The following MTUS2 variants were observed in gnomAD, a reference collection of about 807,000 sequenced individuals.
The protein encoded by MTUS2 is microtubule-associated tumor suppressor candidate 2.
A neutral mutation model predicts 114.1 loss-of-function variants in MTUS2; 40 were observed. The observed-to-expected ratio is 0.35, with a 90% CI of 0.27 to 0.46. MTUS2 has a LOEUF of 0.46. Ranked by LOEUF, MTUS2 falls within the 20% of genes least tolerant of loss-of-function variation. The pLI is 1.00. For missense variants in MTUS2, 1,679 were observed against 1,705.4 expected, an observed-to-expected ratio of 0.98 and a Z score of 0.27; for synonymous variants, 688 against 672.0, an observed-to-expected ratio of 1.02 and a Z score of -0.37.
chr13:29,324,655 C>A lies in MTUS2; in HGVS notation c.2849C>A (p.Pro950His). The A allele has an allele frequency of 6.3e-7, 1 of 1,597,026 alleles. No homozygotes were observed. The highest frequency in any genetic ancestry group is 8.5e-7 in the Non-Finnish European group (1 of 1,171,348). ...CAGAAAGATCAAGATACGAATAAAC[C>A]TGCTGTTTCATCTCCTAAGAGAGTA... Reference protein sequence around the residue: ...DAQKDQDTNKPAVSSPKRVAA... With the variant: ...DAQKDQDTNKHAVSSPKRVAA... The change falls in exon 7 of 16, where the codon CCT becomes CAT. Residue 950 changes from proline (P) to histidine (H), a missense_variant. Pro to His is a moderately conservative substitution (Grantham distance 77). Coordinates refer to ENST00000612955, the MANE Select transcript of MTUS2 (RefSeq NM_001033602.4).
intron 5 of MTUS2, among the ~76,000 whole-genome samples, chr13:29,227,258 C>CAAAAAAAAAAAAAA (rs10680419): frequency 8.3e-6 from 1 of 120,646 alleles, no homozygotes; most frequent in Admixed American, 8.9e-5. Flanking sequence ...GACTCCGTCT[C>CAAAAAAAAAAAAAA]AAAAAAAAAA....
At chr13:29,483,274 G>A (rs780330015) in intron 10 of MTUS2, among the ~76,000 whole-genome samples, 42 of 152,210 alleles carry the variant, frequency 2.8e-4, no homozygotes, top group African/African-American at 7.5e-4. Context: ...TTCTGAGGCC[G>A]CAAATATCAC....
Position 29,025,581 on chromosome 13 carries a change from A to G in MTUS2, c.883A>G (p.Ser295Gly), listed in dbSNP as rs779646263. 2 of 1,613,920 alleles carry G rather than the reference A, an allele frequency of 1.2e-6. No homozygotes were observed. The highest frequency in any genetic ancestry group is 2.7e-5 in the African/African-American group (2 of 74,928). ...GACTTTGGCATCGAAGGAAATCCCA[A>G]GTAAACTGGAAGCACAATTAGGTCA... ...NLTLASKEIP[S>G]KLEAQLGQGK... The change falls in exon 3 of 16, where the codon AGT becomes GGT. Residue 295 changes from serine to glycine, a missense_variant. By Grantham distance (56) the Ser-to-Gly change is moderately conservative. Coordinates refer to ENST00000612955, the MANE Select transcript of MTUS2 (RefSeq NM_001033602.4).
At chr13:28,986,694 T>C (rs1884602802) in intron 2 of MTUS2, among the ~76,000 whole-genome samples, 2 of 152,224 alleles carry the variant, frequency 1.3e-5, no homozygotes, top group Admixed American at 6.5e-5. Context: ...GGTATTACTA[T>C]TCCCTTTGTG....
chr13:29,456,479 A>C (rs1879117633), intron 9 of MTUS2, among the ~76,000 whole-genome samples: 1 of 152,218 alleles, frequency 6.6e-6, no homozygotes, highest in Non-Finnish European at 1.5e-5. Context: ...GTTTGATTTT[A>C]AAAGAGCAAC....
intron 5 of MTUS2, among the ~76,000 whole-genome samples, chr13:29,231,896 T>C (rs1474002238): frequency 1.4e-4 from 22 of 152,218 alleles, no homozygotes; most frequent in Admixed American, 1.4e-3. Context: ...GTGAAGAAAA[T>C]TATTTTCTCA....
chr13:29,494,142 G>T (rs1201018746), intron 12 of MTUS2, among the ~76,000 whole-genome samples: 1 of 152,212 alleles, frequency 6.6e-6, no homozygotes, highest in African/African-American at 2.4e-5. Flanking sequence ...GATGATGACA[G>T]TATCTTTCTC....
intron 6 of MTUS2, among the ~76,000 whole-genome samples, chr13:29,292,752 CA>C (rs1898770706): frequency 6.6e-6 from 1 of 151,340 alleles, no homozygotes. Context: ...GGAAAAGATC[CA>C]GTGTAGTTTG....
chr13:29,302,347 A>G (rs1444483230), intron 6 of MTUS2, among the ~76,000 whole-genome samples: 1 of 152,122 alleles, frequency 6.6e-6, no homozygotes. Context: ...GGTCTTTGCA[A>G]CCCAAAGATC....
intron 5 of MTUS2, among the ~76,000 whole-genome samples, chr13:29,178,451 AAGCAGAG>A (rs1893864889): frequency 6.6e-6 from 1 of 152,152 alleles, no homozygotes; most frequent in Non-Finnish European, 1.5e-5. Context: ...TTATGGTCTA[AAGCAGAG>A]TTTTTAAACC....
At chr13:28,861,756 G>T (rs74441096) in intron 2 of MTUS2, among the ~76,000 whole-genome samples, 7,299 of 152,136 alleles carry the variant, frequency 0.048, 270 homozygotes, top group African/African-American at 0.099. Context: ...GATATTCCCC[G>T]TATCCAGCAG....
At chr13:29,381,059 A>G (rs1383460864) in intron 8 of MTUS2, among the ~76,000 whole-genome samples, 1 of 151,356 alleles carries the variant, frequency 6.6e-6, no homozygotes, top group Non-Finnish European at 1.5e-5. Context: ...ATGCTGTAGC[A>G]AGGGAAGAAA....
intron 5 of MTUS2, among the ~76,000 whole-genome samples, chr13:29,243,345 C>T (rs558517276): frequency 3.3e-5 from 5 of 152,066 alleles, no homozygotes; most frequent in African/African-American, 9.6e-5. Context: ...ATAGCTGGGC[C>T]GCAGGAGCCA....
At chr13:28,942,603 G>A (rs929975955) in intron 2 of MTUS2, among the ~76,000 whole-genome samples, 5 of 152,226 alleles carry the variant, frequency 3.3e-5, no homozygotes, top group Admixed American at 2.0e-4. Context: ...AGCCTGTGGT[G>A]TATTCTTACA....
chr13:28,910,540 C>T (rs976296608), intron 2 of MTUS2, among the ~76,000 whole-genome samples: 4 of 151,966 alleles, frequency 2.6e-5, no homozygotes, highest in Non-Finnish European at 5.9e-5. Flanking sequence ...TGCTCTTCCT[C>T]CCCCCAGCCC....
chr13:29,191,716 G>C (rs917720841), intron 5 of MTUS2, among the ~76,000 whole-genome samples: 4 of 152,102 alleles, frequency 2.6e-5, no homozygotes, highest in Non-Finnish European at 5.9e-5. Flanking sequence ...CCTGGCTCAT[G>C]ACAGCCTTTG....
intron 2 of MTUS2, among the ~76,000 whole-genome samples, chr13:28,969,022 C>T (rs1357909293): frequency 1.3e-5 from 2 of 152,018 alleles, no homozygotes; most frequent in East Asian, 1.9e-4. Context: ...TTTTATAAAG[C>T]TGCAATTTTT....
At chr13:28,914,707 A>G (rs187867029) in intron 2 of MTUS2, among the ~76,000 whole-genome samples, 195 of 152,000 alleles carry the variant, frequency 1.3e-3, no homozygotes, top group African/African-American at 4.5e-3. Context: ...CTATTATTGC[A>G]TGGGAGTCTA....
At chr13:29,481,889 G>C (rs183847730) in intron 10 of MTUS2, among the ~76,000 whole-genome samples, 83 of 152,258 alleles carry the variant, frequency 5.5e-4, no homozygotes, top group African/African-American at 1.8e-3. Flanking sequence ...GTTACCTGTT[G>C]GTGTTAAGAT....
Sources: allele counts gnomAD v4.1 joint callset (sites outside exome capture counted in the v4.1 genomes callset), GRCh38; gene constraint gnomAD v4.1.1; transcripts MANE v1.5; gene names NCBI Gene and HGNC (gene_info 2026-07-23, HGNC 2026-07-21).